PRKCB: variants seen among roughly 807,000 people sequenced by gnomAD.
The protein encoded by PRKCB is protein kinase C beta type.
In PRKCB, 13 loss-of-function variants were observed where a neutral mutation model predicts 81.5. The ratio of observed to expected loss-of-function variants is 0.16; its 90% CI spans 0.10 to 0.25. PRKCB has a LOEUF of 0.25. PRKCB is among the 10% of genes least tolerant of loss of function. PRKCB has a pLI of 1.00. For synonymous variants in PRKCB, 335 were observed against 321.4 expected, an observed-to-expected ratio of 1.04 and a Z score of -0.45; for missense variants, 509 against 875.7, an observed-to-expected ratio of 0.58 and a Z score of 5.29.
At chr16:23,873,564 A>G (rs1185778217) in intron 2 of PRKCB, among the ~76,000 whole-genome samples, 2 of 152,136 alleles carry the variant, frequency 1.3e-5, no homozygotes, top group Non-Finnish European at 2.9e-5. Context: ...TGGGTCAACC[A>G]TGTGCTTTCT....
At chr16:24,054,799 G>C (rs1965884458) in intron 5 of PRKCB, among the ~76,000 whole-genome samples, 1 of 152,230 alleles carries the variant, frequency 6.6e-6, no homozygotes, top group African/African-American at 2.4e-5. Flanking sequence ...ACAGTCTCTT[G>C]AAAACATTTG....
At chr16:24,032,098 C>G (rs766862988) in intron 3 of PRKCB, 38 bp from the exon 4 acceptor site, 17 of 1,463,614 alleles carry the variant, frequency 1.2e-5, no homozygotes, top group Non-Finnish European at 1.5e-5. Flanking sequence ...GCATGCTCCA[C>G]TGACGCTGGC....
intron 2 of PRKCB, among the ~76,000 whole-genome samples, chr16:23,908,399 G>A (rs1963596457): frequency 6.6e-6 from 1 of 152,136 alleles, no homozygotes; most frequent in Admixed American, 6.5e-5. Context: ...CAAGACACCT[G>A]TGTGGAGCAT....
At chr16:24,030,591 C>G (rs1354965132) in intron 3 of PRKCB, among the ~76,000 whole-genome samples, 1 of 151,456 alleles carries the variant, frequency 6.6e-6, no homozygotes, top group Non-Finnish European at 1.5e-5. Flanking sequence ...ACAAAAAGAT[C>G]AAATTAGCTG....
intron 2 of PRKCB, among the ~76,000 whole-genome samples, chr16:23,977,794 C>G (rs1329084840): frequency 6.6e-6 from 1 of 152,170 alleles, no homozygotes; most frequent in Admixed American, 6.5e-5. Context: ...CCCCTGAACT[C>G]TAGCTTGTCT....
intron 13 of PRKCB, among the ~76,000 whole-genome samples, chr16:24,184,350 C>T (rs1292094013): frequency 6.6e-6 from 1 of 151,750 alleles, no homozygotes; most frequent in Non-Finnish European, 1.5e-5. Flanking sequence ...ACACAGGAGG[C>T]TGAGGTGCGA....
intron 2 of PRKCB, among the ~76,000 whole-genome samples, chr16:23,878,231 G>T (rs1384219455): frequency 6.6e-6 from 1 of 152,176 alleles, no homozygotes; most frequent in Non-Finnish European, 1.5e-5. Flanking sequence ...GAAATACAAA[G>T]TTGGGTTCCT....
intron 3 of PRKCB, among the ~76,000 whole-genome samples, chr16:24,029,728 T>C (rs982919897): frequency 2.6e-5 from 4 of 152,230 alleles, no homozygotes; most frequent in Admixed American, 1.3e-4. Context: ...GTTCATTTTC[T>C]GTCACTAGAG....
In PRKCB at chr16:24,048,697, G is replaced by T. The variant is rs553733293; in HGVS notation, c.529+13150G>T. ...AGTAGAGACAGGGTTTCACCATGTT[G>T]GTCAGGCTGCCTGACCTCAAATGAT... is the stretch of plus-strand genomic sequence containing the variant. On this transcript the variant is annotated intron_variant, in intron 5 of 16. Transcript: ENST00000643927. Among the ~76,000 whole-genome samples, 434 of 152,014 alleles carry T rather than the reference G, an allele frequency of 2.9e-3. 5 individuals carry two copies. Among genetic ancestry groups the T allele is most frequent in the African/African-American group, 0.01 (419 of 41,452 alleles).
chr16:24,122,056 A>G (rs1285561099), intron 8 of PRKCB, among the ~76,000 whole-genome samples: 5 of 152,220 alleles, frequency 3.3e-5, no homozygotes. Context: ...ACAAGTAAAT[A>G]TATGGTTTGT....
chr16:24,209,084 G>C (rs1046421072), intron 16 of PRKCB, among the ~76,000 whole-genome samples: 1 of 152,254 alleles, frequency 6.6e-6, no homozygotes, highest in South Asian at 2.1e-4. Context: ...GGGAGGCCCA[G>C]GCGAAGAAAC....
rs76758274 is a variant in PRKCB, at chr16:23,931,381, G to C, written c.206-57127G>C. 5.8e-3 allele frequency among the ~76,000 whole-genome samples: 884 copies of C among 152,336 alleles called. 2 individuals carry two copies. Among genetic ancestry groups the C allele is most frequent in the Non-Finnish European group, 6.9e-3 (471 of 68,036 alleles). On this transcript the variant is annotated intron_variant, in intron 2 of 16. Coordinates refer to ENST00000643927, the MANE Select transcript of PRKCB (RefSeq NM_002738.7). ...AGACAGATGGCAGACAGCTACAGTA[G>C]TTTAAAATAGCCTGAGCTCACTTCT...
intron 16 of PRKCB, among the ~76,000 whole-genome samples, chr16:24,193,815 G>A (rs1042671894): frequency 6.6e-6 from 1 of 152,154 alleles, no homozygotes; most frequent in Non-Finnish European, 1.5e-5. Flanking sequence ...TACCTAACAG[G>A]CTCAGCTGAT....
chr16:23,836,557 C>T (rs1250677911), intron 1 of PRKCB, among the ~76,000 whole-genome samples: 2 of 152,150 alleles, frequency 1.3e-5, no homozygotes, highest in African/African-American at 2.4e-5. Flanking sequence ...AGACGGGCCG[C>T]CGCGGGGCGC....
intron 12 of PRKCB, among the ~76,000 whole-genome samples, chr16:24,179,546 T>A (rs1171867432): frequency 1.3e-5 from 2 of 152,280 alleles, no homozygotes; most frequent in East Asian, 3.9e-4. Context: ...TTGGAGTAGG[T>A]GTTTAGGGAG....
At chr16:24,030,345 C>T (rs573918121) in intron 3 of PRKCB, among the ~76,000 whole-genome samples, 33 of 151,710 alleles carry the variant, frequency 2.2e-4, no homozygotes, top group African/African-American at 7.0e-4. Context: ...AGCGGGGGTG[C>T]GCTCTGAGTG....
chr16:24,213,309 A>G (rs1270770521), intron 16 of PRKCB, among the ~76,000 whole-genome samples: 6 of 152,190 alleles, frequency 3.9e-5, no homozygotes, highest in Admixed American at 2.6e-4. Context: ...CTGGGATTAC[A>G]GGCGTGAGCC....
At chr16:24,094,856 G>T (rs11646034) in intron 7 of PRKCB, among the ~76,000 whole-genome samples, 26,389 of 140,606 alleles carry the variant, frequency 0.19, 2,826 homozygotes, top group Non-Finnish European at 0.25. Flanking sequence ...AGGAAGGAAA[G>T]GAAGAAAAAG....
Position 24,079,630 on chromosome 16 carries a change from GC to G in PRKCB, c.530-13159del, listed in dbSNP as rs1966223981. Reference sequence around the variant, plus strand: ...ACCAGAAAAATGGTATCAATCAGATGCCAGAATCTTTGGGGAATTTTTCTAA... The same window carrying G: ...ACCAGAAAAATGGTATCAATCAGATGCAGAATCTTTGGGGAATTTTTCTAA... On this transcript the variant is annotated intron_variant, in intron 5 of 16. Transcript: ENST00000643927. 2.0e-5 allele frequency among the ~76,000 whole-genome samples: 3 copies of G among 152,194 alleles called. 1 individual carries two copies. In the South Asian group the frequency reaches 6.2e-4, roughly 32 times the overall value.
Sources: gnomAD v4.1 joint callset for allele counts (sites outside exome capture counted in the v4.1 genomes callset) on GRCh38, gnomAD v4.1.1 for gene constraint, MANE v1.5 for transcripts, NCBI Gene and HGNC (gene_info 2026-07-23, HGNC 2026-07-21) for gene names.